Variants in INTS9 observed in about 807,000 individuals in gnomAD.
INTS9 encodes the protein protein related to CPSF subunits of 74 kDa.
A neutral mutation model predicts 79.7 loss-of-function variants in INTS9; 55 were observed. The observed-to-expected ratio is 0.69, with a 90% CI of 0.56 to 0.86. INTS9 has a LOEUF of 0.86. Ranked by LOEUF, INTS9 falls within the 40% of genes least tolerant of loss-of-function variation. INTS9 has a pLI of 0.00. For synonymous variants in INTS9, 319 were observed against 325.2 expected (o/e 0.98, Z 0.20); for missense variants, 721 against 831.5 (o/e 0.87, Z 1.64).
chr8:28,770,831 C>T, intron 15 of INTS9, 151 bp downstream of exon 15: 1 of 661,754 alleles, frequency 1.5e-6, no homozygotes, highest in Non-Finnish European at 2.6e-6. Context: ...GGCCTCATCT[C>T]TGGGCACAGC....
chr8:28,822,356 CA>C lies in INTS9; in HGVS notation c.489-8745del, dbSNP rs1411952365. 6.6e-5 allele frequency among the ~76,000 whole-genome samples: 10 copies of C among 152,204 alleles called. No individual in the cohort carries two copies. The East Asian group carries it at 1.5e-3, about 23-fold the overall frequency. On this transcript the variant is annotated intron_variant, in intron 6 of 16. Coordinates refer to ENST00000521022, the MANE Select transcript of INTS9 (RefSeq NM_018250.4). ...CTTCATTTTCTAAATTGGGAATTGG[CA>C]AACCTTTTCCATAAGTGGCTGCAGA...
At chr8:28,865,111 C>T (rs2131313918) in intron 1 of INTS9, among the ~76,000 whole-genome samples, 1 of 150,232 alleles carries the variant, frequency 6.7e-6, no homozygotes, top group Middle Eastern at 3.5e-3. Flanking sequence ...CAAGAAATAA[C>T]AGTATAATCA....
intron 1 of INTS9, among the ~76,000 whole-genome samples, chr8:28,870,349 C>CTT (rs10580665): frequency 5.7e-4 from 46 of 80,572 alleles, no homozygotes; most frequent in Admixed American, 5.9e-4. Context: ...CAGAAAAAAG[C>CTT]TTTTTTTTTT....
At chr8:28,835,157 T>C in intron 6 of INTS9, 135 bp downstream of exon 6, 1 of 618,716 alleles carries the variant, frequency 1.6e-6, no homozygotes, top group South Asian at 2.2e-5. Context: ...ATATAACCCT[T>C]TCATGTATTA....
chr8:28,834,816 A>C (rs1806706695), intron 6 of INTS9, among the ~76,000 whole-genome samples: 1 of 151,894 alleles, frequency 6.6e-6, no homozygotes, highest in Non-Finnish European at 1.5e-5. Context: ...AGCTGTGATT[A>C]CAGGCATGTG....
rs1345806332 is a variant in INTS9, at chr8:28,889,866, A to G, written c.9+8T>C. The G allele has an allele frequency of 6.2e-7, 1 of 1,613,940 alleles. No individual in the cohort carries two copies. Among genetic ancestry groups the G allele is most frequent in the Non-Finnish European group, 8.5e-7 (1 of 1,179,884 alleles). On this transcript the variant is annotated splice_region_variant and intron_variant, in intron 1 of 16. Coordinates refer to ENST00000521022, the MANE Select transcript of INTS9 (RefSeq NM_018250.4). Reference sequence around the variant, plus strand: ...CCTTTGCCCTCTGACCTAGGAGCGAAGACTCACCAGTTTCATAATGGACTT... The same window carrying G: ...CCTTTGCCCTCTGACCTAGGAGCGAGGACTCACCAGTTTCATAATGGACTT...
intron 4 of INTS9, among the ~76,000 whole-genome samples, chr8:28,843,014 T>A (rs1441276830): frequency 6.6e-6 from 1 of 152,198 alleles, no homozygotes; most frequent in East Asian, 1.9e-4. Context: ...GGAGGTGAAC[T>A]CATGGGATTA....
chr8:28,841,652 T>C (rs994151613), intron 4 of INTS9, among the ~76,000 whole-genome samples: 8 of 152,210 alleles, frequency 5.3e-5, no homozygotes, highest in Non-Finnish European at 8.8e-5. Flanking sequence ...AAATAACTTT[T>C]GACTCCCCCA....
intron 13 of INTS9, 75 bp from the exon 14 acceptor site, chr8:28,776,001 C>A (rs1295309095): frequency 1.3e-5 from 15 of 1,176,584 alleles, no homozygotes; most frequent in Admixed American, 3.2e-5. Context: ...ATTCCTGACC[C>A]CGATCCACTC....
chr8:28,776,283 T>C (rs758113849), intron 13 of INTS9: 1 of 178,900 alleles, frequency 5.6e-6, no homozygotes, highest in Non-Finnish European at 1.2e-5. Context: ...AGCTCTTGGC[T>C]GATTACCAAG....
chr8:28,836,150 A>G (rs1458074102), intron 5 of INTS9, among the ~76,000 whole-genome samples: 1 of 152,144 alleles, frequency 6.6e-6, no homozygotes, highest in Non-Finnish European at 1.5e-5. Flanking sequence ...AGTTTTCTTG[A>G]TATGTTTTAG....
chr8:28,771,406 T>TG (rs1271038557), intron 14 of INTS9, among the ~76,000 whole-genome samples: 3 of 152,086 alleles, frequency 2.0e-5, no homozygotes, highest in African/African-American at 7.2e-5. Context: ...CGGCTTTACC[T>TG]GGGGGGTGGT....
chr8:28,856,612 T>G (rs1049826666), intron 2 of INTS9, among the ~76,000 whole-genome samples: 6 of 152,112 alleles, frequency 3.9e-5, no homozygotes, highest in African/African-American at 1.2e-4. Flanking sequence ...TGGTAGGCAT[T>G]TTGGACACAT....
chr8:28,817,728 C>G (rs1428347547), intron 6 of INTS9, among the ~76,000 whole-genome samples: 1 of 105,890 alleles, frequency 9.4e-6, no homozygotes, highest in Non-Finnish European at 1.9e-5. Flanking sequence ...GGCATTGAAT[C>G]TATAAATTAC....
intron 3 of INTS9, among the ~76,000 whole-genome samples, chr8:28,849,200 T>C (rs189185462): frequency 7.7e-4 from 117 of 152,338 alleles, no homozygotes; most frequent in African/African-American, 2.6e-3. Context: ...AAGAATGATT[T>C]AGGGGACTAA....
At chr8:28,795,129 C>T (rs959741760) in intron 9 of INTS9, among the ~76,000 whole-genome samples, 2 of 152,206 alleles carry the variant, frequency 1.3e-5, no homozygotes, top group African/African-American at 2.4e-5. Flanking sequence ...CTTCCTAGAG[C>T]AGAAGTAATA....
chr8:28,787,846 G>A lies in INTS9; in HGVS notation c.1081C>T (p.Pro361Ser), dbSNP rs1223235341. The change falls in exon 11 of 17, where the codon CCT becomes TCT. Residue 361 changes from proline to serine, a missense_variant. Physicochemically the swap from Pro to Ser is moderately conservative, Grantham distance 74. Around this residue, in one of 3 missense-constraint regions of INTS9, gnomAD observed 149 missense variants for 223.7 expected, o/e 0.67. Coordinates refer to ENST00000521022, the MANE Select transcript of INTS9 (RefSeq NM_018250.4). ...TTTCTTACCTCTGCATGAGGAAAAG[G>A]TGGTTCTGGAAGATACACCTTACTC... ...KQSKVYLPEP[P>S]FPHAELIQTN... 1 of 1,608,322 alleles carries A rather than the reference G, an allele frequency of 6.2e-7. No homozygotes were observed. Among genetic ancestry groups the A allele is most frequent in the Non-Finnish European group, 8.5e-7 (1 of 1,175,574 alleles).
chr8:28,815,676 T>TA (rs1805429362), intron 6 of INTS9, among the ~76,000 whole-genome samples: 2 of 151,918 alleles, frequency 1.3e-5, no homozygotes, highest in African/African-American at 2.4e-5. Context: ...AGTAGATTAA[T>TA]AAAAAATACC....
intron 6 of INTS9, among the ~76,000 whole-genome samples, chr8:28,815,041 A>G (rs1457030701): frequency 6.6e-6 from 1 of 152,194 alleles, no homozygotes; most frequent in Admixed American, 6.5e-5. Context: ...AAAAGTCTCT[A>G]AAATAATAAA....
Sources: allele counts gnomAD v4.1 joint callset (sites outside exome capture counted in the v4.1 genomes callset), GRCh38; gene constraint gnomAD v4.1.1; regional missense constraint gnomAD v4.1.1; transcripts MANE v1.5; gene names NCBI Gene and HGNC (gene_info 2026-07-23, HGNC 2026-07-21).